The following GRM7 variants were observed in gnomAD, a reference collection of about 807,000 sequenced individuals.
GRM7 encodes glutamate metabotropic receptor 7.
In GRM7, 35 loss-of-function variants were observed where a neutral mutation model predicts 84.5. That is an observed-to-expected ratio of 0.41 (90% confidence interval 0.32 to 0.55). The LOEUF is 0.55. Among genes scored for constraint, GRM7 ranks in the 20% least tolerant of loss-of-function variants. GRM7 has a pLI of 0.19. For missense variants in GRM7, 1,003 were observed against 1,194.6 expected, an observed-to-expected ratio of 0.84 and a Z score of 2.36; for synonymous variants, 487 against 455.1, an observed-to-expected ratio of 1.07 and a Z score of -0.89.
chr3:6,996,827 A>T (rs1362441213), intron 1 of GRM7, among the ~76,000 whole-genome samples: 1 of 152,180 alleles, frequency 6.6e-6, no homozygotes, highest in East Asian at 1.9e-4. Context: ...GGTCTTACTC[A>T]CCAGAATCAA....
At chr3:7,618,124 G>A (rs540951910) in intron 8 of GRM7, among the ~76,000 whole-genome samples, 1 of 152,178 alleles carries the variant, frequency 6.6e-6, no homozygotes, top group African/African-American at 2.4e-5. Flanking sequence ...ATAACTGTTG[G>A]CTGATATAAT....
At chr3:7,057,017 A>C (rs1349246475) in intron 1 of GRM7, among the ~76,000 whole-genome samples, 1 of 151,972 alleles carries the variant, frequency 6.6e-6, no homozygotes, top group Non-Finnish European at 1.5e-5. Context: ...TGGATTTTGT[A>C]GGGGAAGTCT....
chr3:6,861,458 C>T lies in GRM7; in HGVS notation c.70C>T (p.Leu24Phe). ...GTTCCCCTGCTGCGTGCTGGAGGTG[C>T]TCCTGTGCGCGCTGGCGGCGGCGGC... is the stretch of plus-strand genomic sequence containing the variant. The part of the protein sequence containing the change: ...MKFPCCVLEV[L>F]LCALAAAARG... The change falls in exon 1 of 10, where the codon CTC becomes TTC. Residue 24 changes from leucine to phenylalanine, a missense_variant. By Grantham distance (22) the Leu-to-Phe change is conservative (BLOSUM62 0). This residue lies in a region of GRM7 where 93 missense variants were observed against 68.6 expected (regional missense o/e 1.36). Coordinates refer to ENST00000357716, the MANE Select transcript of GRM7 (RefSeq NM_000844.4). This position sits in a 1 kb window ranked among gnomAD's most constrained non-coding sequence, Gnocchi z 6.4. The T allele has an allele frequency of 6.3e-7, 1 of 1,597,120 alleles. No individual in the cohort carries two copies. Among genetic ancestry groups the T allele is most frequent in the East Asian group, 2.2e-5 (1 of 44,454 alleles).
At chr3:7,338,678 G>T (rs1701520685) in intron 4 of GRM7, among the ~76,000 whole-genome samples, 1 of 151,992 alleles carries the variant, frequency 6.6e-6, no homozygotes, top group South Asian at 2.1e-4. Flanking sequence ...GAAAATGTCT[G>T]TATTGAGATC....
At chr3:7,604,194 T>C (rs1465170360) in intron 8 of GRM7, among the ~76,000 whole-genome samples, 4 of 152,068 alleles carry the variant, frequency 2.6e-5, no homozygotes, top group African/African-American at 7.2e-5. Context: ...ATTATGCTTA[T>C]TACAGTCTTG....
intron 1 of GRM7, among the ~76,000 whole-genome samples, chr3:7,129,156 C>A (rs1316443008): frequency 6.6e-6 from 1 of 152,094 alleles, no homozygotes; most frequent in Non-Finnish European, 1.5e-5. Context: ...TTGTAGGTGA[C>A]CCTAATGGAA....
intron 1 of GRM7, among the ~76,000 whole-genome samples, chr3:7,141,620 A>G (rs1693946733): frequency 6.6e-6 from 1 of 152,078 alleles, no homozygotes; most frequent in Non-Finnish European, 1.5e-5. Flanking sequence ...GTGATTATCC[A>G]TGATCATGTT....
chr3:7,572,854 ATATATATATATATATATATATATAT>A (rs1694760358), intron 7 of GRM7, among the ~76,000 whole-genome samples: 4 of 63,598 alleles, frequency 6.3e-5, no homozygotes, highest in Non-Finnish European at 9.8e-5. Flanking sequence ...ATATATATAT[ATATATATATATATATATATATATAT>A]AAATAATCTT....
chr3:7,695,012 T>C (rs2125153792), intron 9 of GRM7, among the ~76,000 whole-genome samples: 1 of 152,320 alleles, frequency 6.6e-6, no homozygotes, highest in Middle Eastern at 3.4e-3. Flanking sequence ...AATACGGCAT[T>C]GAAGTGATGG....
chr3:7,732,471 G>A (rs1559511162), intron 9 of GRM7, among the ~76,000 whole-genome samples: 1 of 152,104 alleles, frequency 6.6e-6, no homozygotes, highest in Non-Finnish European at 1.5e-5. Context: ...GGGATAGGAA[G>A]GCCACTTGGA....
chr3:7,083,988 A>C (rs1318851414), intron 1 of GRM7, among the ~76,000 whole-genome samples: 1 of 152,084 alleles, frequency 6.6e-6, no homozygotes, highest in Admixed American at 6.6e-5. Flanking sequence ...AATTTTAGAG[A>C]GGTAAAAGCT....
chr3:7,066,094 C>A (rs1421881512), intron 1 of GRM7, among the ~76,000 whole-genome samples: 1 of 151,648 alleles, frequency 6.6e-6, no homozygotes, highest in Non-Finnish European at 1.5e-5. Context: ...CACAAACAGA[C>A]AATCTAAGGT....
chr3:7,495,445 C>G (rs1479102086), intron 7 of GRM7, among the ~76,000 whole-genome samples: 1 of 152,094 alleles, frequency 6.6e-6, no homozygotes, highest in African/African-American at 2.4e-5. Context: ...GGGCCCCTCA[C>G]TCACCCTTCT....
At chr3:7,008,625 A>G (rs913748107) in intron 1 of GRM7, among the ~76,000 whole-genome samples, 1 of 152,238 alleles carries the variant, frequency 6.6e-6, no homozygotes, top group Non-Finnish European at 1.5e-5. Flanking sequence ...GAAGAAAACA[A>G]CTTGATGATG....
At chr3:7,147,275 A>C (rs1036476958) in intron 2 of GRM7, among the ~76,000 whole-genome samples, 2 of 152,150 alleles carry the variant, frequency 1.3e-5, no homozygotes, top group African/African-American at 4.8e-5. Context: ...AATGGGTTCA[A>C]ATGTTTGGCC....
intron 2 of GRM7, among the ~76,000 whole-genome samples, chr3:7,261,619 G>T (rs1341693149): frequency 2.6e-5 from 4 of 152,054 alleles, no homozygotes; most frequent in African/African-American, 9.7e-5. Context: ...GATATCTGTG[G>T]ATTTGATCCT....
intron 2 of GRM7, among the ~76,000 whole-genome samples, chr3:7,266,402 G>A (rs1243766176): frequency 3.3e-5 from 5 of 152,162 alleles, no homozygotes; most frequent in African/African-American, 1.2e-4. Context: ...CATGGTATGT[G>A]GAGTTACTCA....
chr3:7,357,440 C>A (rs76166903), intron 4 of GRM7, among the ~76,000 whole-genome samples: 1 of 152,004 alleles, frequency 6.6e-6, no homozygotes, highest in African/African-American at 2.4e-5. Flanking sequence ...TCCCCTCTTA[C>A]CCCCTTCAAT....
chr3:7,159,509 G>A (rs1694557032), intron 2 of GRM7, among the ~76,000 whole-genome samples: 2 of 152,158 alleles, frequency 1.3e-5, no homozygotes, highest in East Asian at 3.9e-4. Flanking sequence ...CTAGCAGGAG[G>A]TGGATAGATG....
Sources: gnomAD v4.1 joint callset for allele counts (sites outside exome capture counted in the v4.1 genomes callset) on GRCh38, gnomAD v4.1.1 for gene constraint, gnomAD v4.1.1 regional missense constraint, Gnocchi (gnomAD v3.1) non-coding constraint, MANE v1.5 for transcripts, NCBI Gene and HGNC (gene_info 2026-07-23, HGNC 2026-07-21) for gene names.